PYGM: variants seen among roughly 807,000 people sequenced by gnomAD.
The protein encoded by PYGM is glycogen phosphorylase, muscle form.
In PYGM, 81 loss-of-function variants were observed where a neutral mutation model predicts 99.3. The observed-to-expected ratio is 0.82, with a 90% CI of 0.68 to 0.98. The LOEUF (loss-of-function observed/expected upper bound fraction) is 0.98, where lower values mean the gene tolerates loss of function less well. PYGM is among the 50% of genes least tolerant of loss of function. The pLI, the probability that PYGM is intolerant of heterozygous loss-of-function variation, is 0.00. For missense variants in PYGM, 1,030 were observed against 1,158.1 expected (o/e 0.89, Z 1.61); for synonymous variants, 436 against 451.5 (o/e 0.97, Z 0.44).
rs746021869 is a variant in PYGM, at chr11:64,753,568, C to T, written c.1354G>A (p.Ala452Thr). The part of the protein sequence containing the change: ...MAHLCIAGSH[A>T]VNGVARIHSE... ...TGGATGCGCGCCACGCCGTTGACGGCGTGCGACCCCGCGATGCACAGGTGT... is the reference window on the plus strand; with the variant it reads ...TGGATGCGCGCCACGCCGTTGACGGTGTGCGACCCCGCGATGCACAGGTGT... The change falls in exon 11 of 20, where the codon GCC becomes ACC. Residue 452 changes from alanine to threonine, a missense_variant. Coordinates refer to ENST00000164139, the MANE Select transcript of PYGM (RefSeq NM_005609.4). 11 of 1,602,978 alleles carry T rather than the reference C, an allele frequency of 6.9e-6. No individual in the cohort carries two copies. Among genetic ancestry groups the T allele is most frequent in the African/African-American group, 5.3e-5 (4 of 74,810 alleles).
intron 17 of PYGM, among the ~76,000 whole-genome samples, chr11:64,749,385 G>A (rs923012507): frequency 6.6e-6 from 1 of 151,092 alleles, no homozygotes; most frequent in Non-Finnish European, 1.5e-5. Context: ...GCTCACGCCT[G>A]TAATCCCAGC....
At position 64,747,216 on chromosome 11, in the gene PYGM, CA is replaced by C. The variant is rs779743185; in HGVS notation, c.2312+7del. On this transcript the variant is annotated splice_region_variant and intron_variant, in intron 18 of 19. Coordinates refer to ENST00000164139, the MANE Select transcript of PYGM (RefSeq NM_005609.4). Reference sequence around the variant, plus strand: ...CCACCTGAGTGATTCCCGGGCCAACCAGCTCACCGGTCATGGTGCATGAGCA... The same window carrying C: ...CCACCTGAGTGATTCCCGGGCCAACCGCTCACCGGTCATGGTGCATGAGCA... 3.7e-6 allele frequency: 6 copies of C among 1,614,010 alleles called. No individual in the cohort carries two copies. Among genetic ancestry groups the C allele is most frequent in the South Asian group, 3.3e-5 (3 of 91,062 alleles).
rs373310140 is a variant in PYGM, at chr11:64,758,695, A to G, written c.253T>C (p.Tyr85His). The change falls in exon 2 of 20, where the codon TAC becomes CAC. Residue 85 changes from tyrosine (Y) to histidine (H), a missense_variant. Transcript: ENST00000164139. ...CCCATATAGAACTCTAAAGACAGGTAGTAGATCCTCTGCCCAGAGAGACGG... is the reference window on the plus strand; with the variant it reads ...CCCATATAGAACTCTAAAGACAGGTGGTAGATCCTCTGCCCAGAGAGACGG... ...YYEKDPKRIY[Y>H]LSLEFYMGRT... The G allele has an allele frequency of 6.2e-7, 1 of 1,606,074 alleles. No individual in the cohort carries two copies. The highest frequency in any genetic ancestry group is 1.1e-5 in the South Asian group (1 of 90,902).
In PYGM at chr11:64,758,515, G is replaced by A; in HGVS notation, c.346C>T (p.Leu116=). 2 of 1,614,116 alleles carry A rather than the reference G, an allele frequency of 1.2e-6. No homozygotes were observed. Among genetic ancestry groups the A allele is most frequent in the South Asian group, 1.1e-5 (1 of 91,078 alleles). Residue 116 remains leucine, a splice_region_variant and synonymous_variant, in exon 3 of 20, where the codon CTG becomes TTG. Coordinates refer to ENST00000164139, the MANE Select transcript of PYGM (RefSeq NM_005609.4). ...TCCAGCTCCTCCATGTCCAGGCCCA[G>A]CTGGAGGAGTGAGGGTGACAGTGGT... ...ENACDEATYQ[L]GLDMEELEEI...
intron 1 of PYGM, 76 bp from the exon 2 acceptor site, chr11:64,758,780 G>A (rs2058413366): frequency 3.7e-6 from 5 of 1,339,378 alleles, no homozygotes; most frequent in Middle Eastern, 2.0e-4. Context: ...AGCCACGCCT[G>A]GACCTCTGGC....
Position 64,753,184 on chromosome 11 carries a change from G to C in PYGM, c.1407C>G (p.Phe469Leu). 1 of 1,605,818 alleles carries C rather than the reference G, an allele frequency of 6.2e-7. No individual in the cohort carries two copies. Among genetic ancestry groups the C allele is most frequent in the Non-Finnish European group, 8.5e-7 (1 of 1,172,530 alleles). ...GAGGCTCCAGCTCATAGAAGTCTTT[G>C]AAGCTGCAGGATGAGGTTGGACGAG... ...IHSEILKKTI[F>L]KDFYELEPHK... The change falls in exon 12 of 20, where the codon TTC becomes TTG. Residue 469 changes from phenylalanine (F) to leucine (L), a missense_variant. Physicochemically the swap from Phe to Leu is conservative, Grantham distance 22 (BLOSUM62 0). Coordinates refer to ENST00000164139, the MANE Select transcript of PYGM (RefSeq NM_005609.4).
rs1326611244 is a variant in PYGM at position 64,754,526 on chromosome 11, G to A, written c.999+167C>T. The A allele has an allele frequency of 6.2e-6, 7 of 1,123,394 alleles. No homozygotes were observed. The highest frequency in any genetic ancestry group is 8.9e-6 in the Non-Finnish European group (7 of 784,552). 69.6% of individuals were successfully genotyped at this position (1,123,394 alleles called of 1,614,324 possible). A position where few individuals can be genotyped will look rare whatever the true frequency, so the allele number is the denominator to read the frequency against. ...GGGGGAGTGGGGCGGGAGGAGGAGG[G>A]AAGCCCAGGTTCTGAGCCTGTGGAT... On this transcript the variant is annotated intron_variant, in intron 8 of 19. Transcript: ENST00000164139. This position sits in a 1 kb window ranked among gnomAD's most constrained non-coding sequence, Gnocchi z 5.5.
At chr11:64,760,307 T>C (rs2058426461), upstream of PYGM, 1 of 230,888 alleles carries the variant, frequency 4.3e-6, no homozygotes, top group Non-Finnish European at 8.7e-6. Flanking sequence ...GGAGGCCATG[T>C]GTTGTGGCAA....
chr11:64,747,503 C>A, intron 17 of PYGM, 145 bp from the exon 18 acceptor site: 1 of 982,068 alleles, frequency 1.0e-6, no homozygotes, highest in South Asian at 1.4e-5. Context: ...CCCTGCAGGG[C>A]CTCCCTGCAA....
At chr11:64,751,875 A>G in intron 14 of PYGM, 49 bp downstream of exon 14, 1 of 1,611,516 alleles carries the variant, frequency 6.2e-7, no homozygotes, top group Non-Finnish European at 8.5e-7. Context: ...ACTATGCCGC[A>G]GGAACACGGG....
intron 13 of PYGM, among the ~76,000 whole-genome samples, 164 bp downstream of exon 13, chr11:64,752,239 T>A (rs1270369655): frequency 6.6e-6 from 1 of 152,172 alleles, no homozygotes; most frequent in Admixed American, 6.5e-5. Context: ...GCACTGTTCA[T>A]GTGAGGTCAG....
At chr11:64,747,442 C>T in intron 17 of PYGM, 84 bp from the exon 18 acceptor site, 3 of 1,596,114 alleles carry the variant, frequency 1.9e-6, no homozygotes, top group African/African-American at 2.7e-5. Flanking sequence ...TCCCATGCCC[C>T]AGGGTCAAAA....
rs1281388328 is a variant in PYGM at position 64,755,917 on chromosome 11, G to A, written c.661-359C>T. ...GCCTGAGCAAAAGCTAGAGGACACT[G>A]TGGACTCATGAGAGGGCTGGGGGAA... is the stretch of plus-strand genomic sequence containing the variant. On this transcript the variant is annotated intron_variant, in intron 5 of 19. Coordinates refer to ENST00000164139, the MANE Select transcript of PYGM (RefSeq NM_005609.4). The surrounding 1 kb of genome is among the most constrained non-coding windows in gnomAD (Gnocchi z 4.1). Among the ~76,000 whole-genome samples, 1 of 152,236 alleles carries A rather than the reference G, an allele frequency of 6.6e-6. No homozygotes were observed. The highest frequency in any genetic ancestry group is 1.5e-5 in the Non-Finnish European group (1 of 68,036).
chr11:64,752,761 G>A (rs1436270852), intron 12 of PYGM, among the ~76,000 whole-genome samples: 2 of 152,126 alleles, frequency 1.3e-5, no homozygotes, highest in South Asian at 2.1e-4. Flanking sequence ...TTTTCCTAAC[G>A]CCAGCATGAC....
chr11:64,754,176 C>A lies in PYGM; in HGVS notation c.1092+77G>T. 1 of 1,579,634 alleles carries A rather than the reference C, an allele frequency of 6.3e-7. No homozygotes were observed. The highest frequency in any genetic ancestry group is 1.1e-5 in the South Asian group (1 of 90,384). Reference sequence around the variant, plus strand: ...TCTGATCCCTTCACTCCATTCATATCCTCCCACGCTCCCAAACTGGGAAGG... The same window carrying A: ...TCTGATCCCTTCACTCCATTCATATACTCCCACGCTCCCAAACTGGGAAGG... On this transcript the variant is annotated intron_variant, in intron 9 of 19. Transcript: ENST00000164139. This position sits in a 1 kb window ranked among gnomAD's most constrained non-coding sequence, Gnocchi z 5.5.
chr11:64,750,083 C>T (rs1006653125), intron 17 of PYGM, among the ~76,000 whole-genome samples: 2 of 152,196 alleles, frequency 1.3e-5, no homozygotes, highest in Admixed American at 6.5e-5. Flanking sequence ...TGAGCCACCG[C>T]ACCCGGCGTA....
Position 64,750,437 on chromosome 11 carries a change from C to T in PYGM, c.2116G>A (p.Glu706Lys), listed in dbSNP as rs915786151. The T allele has an allele frequency of 1.2e-5, 20 of 1,614,100 alleles. No individual in the cohort carries two copies. Among genetic ancestry groups the T allele is most frequent in the Non-Finnish European group, 1.6e-5 (19 of 1,180,036 alleles). The change falls in exon 17 of 20, where the codon GAG becomes AAG. Residue 706 changes from glutamate (E) to lysine (K), a missense_variant. Glu to Lys is a moderately conservative substitution (Grantham distance 56, BLOSUM62 1). Transcript: ENST00000164139. ...ANVEMAEEAGEENFFIFGMRV... is the reference protein window; with the variant it reads ...ANVEMAEEAGKENFFIFGMRV... ...ATGCCAAAGATGAAGAAGTTTTCCT[C>T]TCCCGCCTCTTCTGCCATCTCCACA...
intron 15 of PYGM, 52 bp from the exon 16 acceptor site, chr11:64,751,518 A>G (rs888139589): frequency 6.2e-7 from 1 of 1,613,986 alleles, no homozygotes. Flanking sequence ...CCCACCCCCT[A>G]TCCTGCAACT....
intron 1 of PYGM, 32 bp from the exon 2 acceptor site, chr11:64,758,736 G>A (rs1404296860): frequency 2.6e-6 from 4 of 1,549,800 alleles, no homozygotes; most frequent in Non-Finnish European, 3.6e-6. Context: ...CAGGGAATGG[G>A]GTCAGGGCCA....
Sources: allele counts gnomAD v4.1 joint callset (sites outside exome capture counted in the v4.1 genomes callset), GRCh38; gene constraint gnomAD v4.1.1; non-coding constraint Gnocchi (gnomAD v3.1); transcripts MANE v1.5; gene names NCBI Gene and HGNC (gene_info 2026-07-23, HGNC 2026-07-21).